Variants in RNF111 observed in about 807,000 individuals in gnomAD.
RNF111 encodes ring finger protein 111.
In RNF111, 17 loss-of-function variants were observed where a neutral mutation model predicts 95.1. The observed-to-expected ratio is 0.18, with a 90% CI of 0.12 to 0.27. The LOEUF (loss-of-function observed/expected upper bound fraction) is 0.27, where lower values mean the gene tolerates loss of function less well. Among genes scored for constraint, RNF111 ranks in the 10% least tolerant of loss-of-function variants. The probability of loss-of-function intolerance (pLI) is 1.00; values close to 1 mark genes in which losing one functional copy is unlikely to be tolerated. For missense variants in RNF111, 1,189 were observed against 1,210.4 expected, an observed-to-expected ratio of 0.98 and a Z score of 0.26; for synonymous variants, 440 against 414.8, an observed-to-expected ratio of 1.06 and a Z score of -0.74.
rs537220473 is a variant in RNF111 at position 59,074,439 on chromosome 15, T to G, written c.1687-1515T>G. Among the ~76,000 whole-genome samples, 8 of 152,364 alleles carry G rather than the reference T, an allele frequency of 5.3e-5. No individual in the cohort carries two copies. In the South Asian group the frequency reaches 1.7e-3, roughly 32 times the overall value. ...GATTTTCTAGATAACTTACTGTAGC[T>G]TCTACATCAGCACTTGCTGCTTCTC... On this transcript the variant is annotated intron_variant, in intron 6 of 13. Coordinates refer to ENST00000348370, the MANE Select transcript of RNF111 (RefSeq NM_017610.8).
At chr15:59,072,967 T>C (rs1231007592) in intron 6 of RNF111, among the ~76,000 whole-genome samples, 8 of 150,084 alleles carry the variant, frequency 5.3e-5, no homozygotes, top group African/African-American at 2.0e-4. Flanking sequence ...GTGGGAGGAG[T>C]TAAAGACCAG....
At chr15:59,006,124 T>C (rs2141487511) in intron 1 of RNF111, among the ~76,000 whole-genome samples, 1 of 152,368 alleles carries the variant, frequency 6.6e-6, no homozygotes, top group Admixed American at 6.5e-5. Context: ...GGTGATGGGA[T>C]TGGGACTTAA....
At chr15:59,082,866 C>A (rs1199557308) in intron 8 of RNF111, among the ~76,000 whole-genome samples, 5 of 152,170 alleles carry the variant, frequency 3.3e-5, no homozygotes, top group Admixed American at 6.6e-5. Flanking sequence ...AATATAGTAA[C>A]CTTTTATATA....
rs535493244 is a variant in RNF111, at chr15:58,994,638, C to T, written c.-20+6570C>T. 3.3e-5 allele frequency among the ~76,000 whole-genome samples: 5 copies of T among 151,468 alleles called. No individual in the cohort carries two copies. In the East Asian group the frequency reaches 7.9e-4, roughly 24 times the overall value. On this transcript the variant is annotated intron_variant, in intron 1 of 13. Transcript: ENST00000348370. Reference sequence around the variant, plus strand: ...GATTATAGGTGCCCGCCACCACGTCCAGCTAATTTTTGTATTTTAGTTAGA... The same window carrying T: ...GATTATAGGTGCCCGCCACCACGTCTAGCTAATTTTTGTATTTTAGTTAGA...
intron 7 of RNF111, among the ~76,000 whole-genome samples, chr15:59,080,462 C>G (rs1353123699): frequency 6.6e-6 from 1 of 152,004 alleles, no homozygotes; most frequent in African/African-American, 2.4e-5. Context: ...TTATGGCAAC[C>G]TTTTGGAAAG....
At chr15:59,011,818 G>A (rs1328741013) in intron 1 of RNF111, among the ~76,000 whole-genome samples, 4 of 152,008 alleles carry the variant, frequency 2.6e-5, no homozygotes, top group African/African-American at 9.6e-5. Flanking sequence ...GGACTTCAAC[G>A]TATGAATTTT....
At chr15:59,074,792 G>A (rs926953538) in intron 6 of RNF111, among the ~76,000 whole-genome samples, 1 of 152,012 alleles carries the variant, frequency 6.6e-6, no homozygotes, top group South Asian at 2.1e-4. Context: ...AAGAGGCCTA[G>A]CTTTTGGCCT....
intron 11 of RNF111, among the ~76,000 whole-genome samples, chr15:59,090,102 A>G (rs1367719029): frequency 2.6e-5 from 4 of 152,242 alleles, no homozygotes; most frequent in Non-Finnish European, 5.9e-5. Flanking sequence ...AAATCGGTAG[A>G]GAAAAAGAAA....
At chr15:59,055,596 C>A in intron 3 of RNF111, 86 bp from the exon 4 acceptor site, 1 of 1,040,112 alleles carries the variant, frequency 9.6e-7, no homozygotes, top group Non-Finnish European at 1.3e-6. Context: ...AAAAACTTAA[C>A]ATTTAGTAAG....
chr15:59,033,170 A>T (rs1241545875), intron 2 of RNF111, among the ~76,000 whole-genome samples: 1 of 152,188 alleles, frequency 6.6e-6, no homozygotes, highest in Non-Finnish European at 1.5e-5. Flanking sequence ...TACTAACATA[A>T]GCTTTCTCAG....
intron 5 of RNF111, among the ~76,000 whole-genome samples, chr15:59,061,558 T>G (rs1056245916): frequency 1.3e-5 from 2 of 152,234 alleles, no homozygotes; most frequent in African/African-American, 4.8e-5. Context: ...TTCTTAAGCA[T>G]GAACTCCTGC....
chr15:59,027,837 T>C (rs1156759633), intron 1 of RNF111, among the ~76,000 whole-genome samples: 5 of 137,918 alleles, frequency 3.6e-5, no homozygotes, highest in Admixed American at 2.2e-4. Flanking sequence ...CTGGCCCACC[T>C]TTTTTTTTTT....
intron 3 of RNF111, among the ~76,000 whole-genome samples, chr15:59,055,195 C>CCCA (rs1463342272): frequency 1.3e-5 from 2 of 152,150 alleles, no homozygotes; most frequent in African/African-American, 4.8e-5. Context: ...CTCCCTGGTG[C>CCCA]CTGTTTATTT....
At chr15:59,085,900 T>A in intron 10 of RNF111, 115 bp downstream of exon 10, 2 of 888,332 alleles carry the variant, frequency 2.3e-6, no homozygotes, top group Non-Finnish European at 3.3e-6. Flanking sequence ...TTGAGAGTAA[T>A]CTTGTTAGCT....
At chr15:59,035,925 C>G (rs1039540760) in intron 2 of RNF111, among the ~76,000 whole-genome samples, 1 of 152,222 alleles carries the variant, frequency 6.6e-6, no homozygotes, top group African/African-American at 2.4e-5. Flanking sequence ...TTTGCAACCT[C>G]TGCCAGTTAC....
chr15:59,080,848 G>A (rs2078720930), intron 7 of RNF111, 88 bp from the exon 8 acceptor site: 1 of 1,054,332 alleles, frequency 9.5e-7, no homozygotes, highest in Non-Finnish European at 1.4e-6. Context: ...ATACTAATAT[G>A]TTTAAAAGTA....
intron 1 of RNF111, among the ~76,000 whole-genome samples, chr15:58,995,316 T>C (rs754019481): frequency 1.3e-5 from 2 of 152,228 alleles, no homozygotes; most frequent in Non-Finnish European, 2.9e-5. Flanking sequence ...CATTCTTTTA[T>C]CTGATTAATA....
At chr15:59,028,511 GTC>G (rs1348304785) in intron 1 of RNF111, among the ~76,000 whole-genome samples, 1 of 152,136 alleles carries the variant, frequency 6.6e-6, no homozygotes, top group Non-Finnish European at 1.5e-5. Context: ...TGTGAATGTG[GTC>G]TCTCTCTCAT....
chr15:59,039,920 T>A (rs1413893605), intron 2 of RNF111, among the ~76,000 whole-genome samples: 1 of 151,958 alleles, frequency 6.6e-6, no homozygotes, highest in Non-Finnish European at 1.5e-5. Context: ...TTTCACCGTG[T>A]TGGCCAGCAT....
Sources: gnomAD v4.1 joint callset for allele counts (sites outside exome capture counted in the v4.1 genomes callset) on GRCh38, gnomAD v4.1.1 for gene constraint, MANE v1.5 for transcripts, NCBI Gene and HGNC (gene_info 2026-07-23, HGNC 2026-07-21) for gene names.